FRMPD4: variants seen among roughly 807,000 people sequenced by gnomAD.
The protein encoded by FRMPD4 is FERM and PDZ domain containing 4, also known as FERM and PDZ domain-containing protein 4.
FRMPD4 carries 22 observed loss-of-function variants against 94.1 expected under a neutral mutation model. The ratio of observed to expected loss-of-function variants is 0.23; its 90% CI spans 0.17 to 0.33. The LOEUF (loss-of-function observed/expected upper bound fraction) is 0.33, where lower values mean the gene tolerates loss of function less well. Among genes scored for constraint, FRMPD4 ranks in the 10% least tolerant of loss-of-function variants. The pLI is 1.00. For synonymous variants in FRMPD4, 631 were observed against 548.6 expected (o/e 1.15, Z -2.10); for missense variants, 1,111 against 1,339.9 (o/e 0.83, Z 2.67).
At chrX:12,363,856 A>G (rs1414136171) in intron 1 of FRMPD4, among the ~76,000 whole-genome samples, 1 of 111,575 alleles carries the variant, frequency 9.0e-6, no homozygotes, top group Non-Finnish European at 1.9e-5. Context: ...GCATCTTGCA[A>G]ATAAAGAAGC....
intron 1 of FRMPD4, among the ~76,000 whole-genome samples, chrX:12,282,491 G>A (rs2054541370): frequency 8.9e-6 from 1 of 112,299 alleles, no homozygotes; most frequent in Non-Finnish European, 1.9e-5. Context: ...GCACACAGAG[G>A]CAAAAGTGCC....
At chrX:12,043,655 A>G (rs1180472213) in intron 3 of FRMPD4, among the ~76,000 whole-genome samples, 1 of 111,956 alleles carries the variant, frequency 8.9e-6, no homozygotes, top group African/African-American at 3.2e-5. Flanking sequence ...AAAAAAAGTA[A>G]CAATTTAACA....
intron 8 of FRMPD4, among the ~76,000 whole-genome samples, chrX:12,693,887 C>A (rs1335804308): frequency 9.0e-6 from 1 of 111,608 alleles, no homozygotes; most frequent in East Asian, 2.8e-4. Flanking sequence ...CCTGGAAACT[C>A]ACATCCCCTG....
chrX:12,700,097 G>T (rs4291445), intron 9 of FRMPD4, among the ~76,000 whole-genome samples: 18,397 of 110,925 alleles, frequency 0.17, 1,603 homozygotes, highest in East Asian at 0.75. Flanking sequence ...TTTTAAGGCT[G>T]GCTTTGGGGA....
intron 1 of FRMPD4, among the ~76,000 whole-genome samples, chrX:12,358,394 T>A (rs1032166700): frequency 1.8e-5 from 2 of 111,392 alleles, no homozygotes; most frequent in Non-Finnish European, 3.8e-5. Flanking sequence ...AAAGGGCTTA[T>A]GTATTTGGAG....
At chrX:12,468,173 T>C (rs1361198915) in intron 1 of FRMPD4, among the ~76,000 whole-genome samples, 3 of 112,282 alleles carry the variant, frequency 2.7e-5, no homozygotes, top group Non-Finnish European at 5.6e-5. Context: ...GTATGAATTT[T>C]ATCTCTGCAT....
At chrX:12,552,270 A>C (rs1051431381) in intron 2 of FRMPD4, among the ~76,000 whole-genome samples, 5 of 111,701 alleles carry the variant, frequency 4.5e-5, no homozygotes, top group Non-Finnish European at 9.4e-5. Context: ...TTTAGTAAGC[A>C]GTGTTAGGAA....
chrX:12,410,939 G>A (rs762912888), intron 1 of FRMPD4, among the ~76,000 whole-genome samples: 4 of 111,453 alleles, frequency 3.6e-5, no homozygotes, highest in Non-Finnish European at 7.5e-5. Flanking sequence ...ATGTAAAAAC[G>A]GATATATAAG....
At chrX:12,588,514 A>G (rs1484502571) in intron 2 of FRMPD4, among the ~76,000 whole-genome samples, 1 of 112,545 alleles carries the variant, frequency 8.9e-6, no homozygotes, top group Non-Finnish European at 1.9e-5. Context: ...TTATGACAAG[A>G]ATCTTAAGAG....
intron 1 of FRMPD4, among the ~76,000 whole-genome samples, chrX:11,846,275 T>A (rs2053576353): frequency 9.5e-6 from 1 of 105,643 alleles, no homozygotes; most frequent in African/African-American, 3.4e-5. Context: ...GAACTCCCAT[T>A]CACAATTGCT....
chrX:12,668,459 G>A (rs925277676), intron 4 of FRMPD4, among the ~76,000 whole-genome samples: 1 of 111,196 alleles, frequency 9.0e-6, no homozygotes, highest in African/African-American at 3.3e-5. Context: ...TACTATAGCT[G>A]TAAAGACTTT....
intron 3 of FRMPD4, among the ~76,000 whole-genome samples, chrX:11,897,721 G>A (rs1166331703): frequency 8.9e-6 from 1 of 112,345 alleles, no homozygotes; most frequent in East Asian, 2.8e-4. Flanking sequence ...GCTAGATAAT[G>A]GAGATAAATC....
chrX:12,336,926 G>T (rs1220232114), intron 1 of FRMPD4, among the ~76,000 whole-genome samples: 1 of 111,589 alleles, frequency 9.0e-6, no homozygotes, highest in Non-Finnish European at 1.9e-5. Flanking sequence ...TGGCAGAGTA[G>T]CAGGTTTGAA....
At chrX:12,495,608 A>G (rs2057839952) in intron 1 of FRMPD4, among the ~76,000 whole-genome samples, 1 of 111,360 alleles carries the variant, frequency 9.0e-6, no homozygotes, top group South Asian at 3.8e-4. Flanking sequence ...CAAAATTTAC[A>G]TCTCAAATTC....
chrX:12,338,831 G>A (rs2055566019), intron 1 of FRMPD4, among the ~76,000 whole-genome samples: 1 of 112,443 alleles, frequency 8.9e-6, no homozygotes, highest in African/African-American at 3.2e-5. Context: ...GTCCACATGG[G>A]TAGAGCCAGG....
chrX:12,614,850 G>A lies in FRMPD4; in HGVS notation c.391G>A (p.Ala131Thr). ...VMINDEPVSA[A>T]PRERVIDLVR... Reference sequence around the variant, plus strand: ...GATTAATGATGAACCGGTCAGCGCTGCACCCAGAGAGCGGGTCATCGATCT... The same window carrying A: ...GATTAATGATGAACCGGTCAGCGCTACACCCAGAGAGCGGGTCATCGATCT... The change falls in exon 4 of 17, where the codon GCA becomes ACA. Residue 131 changes from alanine (A) to threonine (T), a missense_variant. This residue lies in a region of FRMPD4 where 140 missense variants were observed against 165.9 expected (regional missense o/e 0.84). Coordinates refer to ENST00000675598, the MANE Select transcript of FRMPD4 (RefSeq NM_001368397.1). 1 of 1,179,165 alleles carries A rather than the reference G, an allele frequency of 8.5e-7. No homozygotes were observed. The highest frequency in any genetic ancestry group is 1.2e-6 in the Non-Finnish European group (1 of 866,780).
intron 3 of FRMPD4, among the ~76,000 whole-genome samples, chrX:12,058,413 C>T (rs1408018943): frequency 9.0e-6 from 1 of 111,094 alleles, no homozygotes; most frequent in African/African-American, 3.3e-5. Context: ...GACTTTGAAT[C>T]GACTTCTTCA....
At chrX:12,121,344 G>A (rs1261844455) in intron 3 of FRMPD4, among the ~76,000 whole-genome samples, 1 of 111,192 alleles carries the variant, frequency 9.0e-6, no homozygotes, top group African/African-American at 3.3e-5. Flanking sequence ...TATTAAAAAT[G>A]TTATATGTGT....
chrX:11,882,985 A>C (rs749134084), intron 3 of FRMPD4, among the ~76,000 whole-genome samples: 12 of 111,907 alleles, frequency 1.1e-4, no homozygotes, highest in African/African-American at 3.2e-4. Flanking sequence ...AGGTCCCTGC[A>C]TTCATTCATC....
Sources: gnomAD v4.1 joint callset for allele counts (sites outside exome capture counted in the v4.1 genomes callset) on GRCh38, gnomAD v4.1.1 for gene constraint, gnomAD v4.1.1 regional missense constraint, MANE v1.5 for transcripts, NCBI Gene and HGNC (gene_info 2026-07-23, HGNC 2026-07-21) for gene names.